The following HFM1 variants were observed in gnomAD, a reference collection of about 807,000 sequenced individuals.
HFM1 encodes helicase for meiosis 1.
A neutral mutation model predicts 192.1 loss-of-function variants in HFM1; 169 were observed. The observed-to-expected ratio is 0.88, with a 90% CI of 0.78 to 1.00. The LOEUF is 1.00. Among genes scored for constraint, HFM1 ranks in the 50% least tolerant of loss-of-function variants. The pLI is 0.00. For synonymous variants in HFM1, 525 were observed against 537.8 expected (o/e 0.98, Z 0.33); for missense variants, 1,661 against 1,668.0 (o/e 1.00, Z 0.07).
intron 30 of HFM1, among the ~76,000 whole-genome samples, chr1:91,308,952 C>T (rs1024859265): frequency 6.6e-6 from 1 of 152,002 alleles, no homozygotes; most frequent in Admixed American, 6.6e-5. Context: ...CCACAAATCT[C>T]TGATGCCCTA....
Position 91,378,005 on chromosome 1 carries a change from C to T in HFM1, c.1395+20G>A, listed in dbSNP as rs1281084245. 1 of 1,602,660 alleles carries T rather than the reference C, an allele frequency of 6.2e-7. No homozygotes were observed. Among genetic ancestry groups the T allele is most frequent in the Non-Finnish European group, 8.5e-7 (1 of 1,172,636 alleles). The stretch of plus-strand genomic sequence containing the variant: ...ACAAGTCATAAAAAACCTAAGAGCT[C>T]AGTTAAAATTGTAACTCACATCCTC... On this transcript the variant is annotated intron_variant, in intron 11 of 38. Coordinates refer to ENST00000370425, the MANE Select transcript of HFM1 (RefSeq NM_001017975.6).
chr1:91,324,806 G>T, intron 20 of HFM1, 40 bp from the exon 21 acceptor site: 1 of 1,047,322 alleles, frequency 9.5e-7, no homozygotes, highest in Non-Finnish European at 1.5e-6. Context: ...CCCCTCATCA[G>T]CTGAACCAAC....
chr1:91,323,633 AG>A (rs1652458802), intron 21 of HFM1, among the ~76,000 whole-genome samples: 1 of 152,176 alleles, frequency 6.6e-6, no homozygotes, highest in Non-Finnish European at 1.5e-5. Context: ...AGAATGTTTT[AG>A]ATATTAGGAA....
At chr1:91,297,046 A>G (rs1355296495) in intron 30 of HFM1, among the ~76,000 whole-genome samples, 1 of 152,204 alleles carries the variant, frequency 6.6e-6, no homozygotes, top group African/African-American at 2.4e-5. Context: ...TCCTAGTCAA[A>G]GAAAGGGGTG....
chr1:91,401,183 T>C, intron 1 of HFM1, 74 bp from the exon 2 acceptor site: 1 of 681,090 alleles, frequency 1.5e-6, no homozygotes, highest in Non-Finnish European at 2.5e-6. Flanking sequence ...TAATCACTAA[T>C]TTTCCACAGT....
chr1:91,399,310 C>T (rs570791907), intron 2 of HFM1, among the ~76,000 whole-genome samples: 1 of 152,104 alleles, frequency 6.6e-6, no homozygotes, highest in Non-Finnish European at 1.5e-5. Context: ...TAGAGAGAAA[C>T]AGATAAGCAA....
chr1:91,266,220 G>T, intron 35 of HFM1, 113 bp from the exon 36 acceptor site: 1 of 769,608 alleles, frequency 1.3e-6, no homozygotes. Flanking sequence ...AGGAAGGAAT[G>T]AATAATTCTC....
chr1:91,287,242 T>C (rs1384043355), intron 30 of HFM1, among the ~76,000 whole-genome samples: 3 of 152,214 alleles, frequency 2.0e-5, no homozygotes. Context: ...CAGTAACCTC[T>C]GCAGACTTAA....
intron 20 of HFM1, chr1:91,328,791 A>G: frequency 6.2e-7 from 1 of 1,611,202 alleles, no homozygotes; most frequent in Non-Finnish European, 8.5e-7. Context: ...ACTAAGCAGC[A>G]CAACGATAAG....
At chr1:91,359,503 C>A (rs1658217489) in intron 13 of HFM1, among the ~76,000 whole-genome samples, 1 of 148,710 alleles carries the variant, frequency 6.7e-6, no homozygotes, top group African/African-American at 2.5e-5. Flanking sequence ...AGGAAAGAAT[C>A]TCTGAGCTAG....
chr1:91,292,571 GA>G (rs974549068), intron 30 of HFM1, among the ~76,000 whole-genome samples: 1 of 151,824 alleles, frequency 6.6e-6, no homozygotes, highest in African/African-American at 2.4e-5. Flanking sequence ...ACAAATGGAA[GA>G]ACATTCCATG....
intron 2 of HFM1, among the ~76,000 whole-genome samples, chr1:91,398,378 C>T (rs1663922159): frequency 6.6e-6 from 1 of 152,098 alleles, no homozygotes; most frequent in African/African-American, 2.4e-5. Flanking sequence ...CCTTGTAATG[C>T]TTCTTAAATT....
At chr1:91,389,132 G>GTTT (rs34874992) in intron 4 of HFM1, among the ~76,000 whole-genome samples, 8 of 82,518 alleles carry the variant, frequency 9.7e-5, no homozygotes, top group Admixed American at 5.9e-4. Flanking sequence ...TTTTTGTTGG[G>GTTT]TTTTTTTTTT....
chr1:91,307,494 C>G (rs1649802206), intron 30 of HFM1, among the ~76,000 whole-genome samples: 2 of 152,022 alleles, frequency 1.3e-5, no homozygotes, highest in Admixed American at 1.3e-4. Flanking sequence ...GCTCTGTTAC[C>G]CAGGCTGGAG....
At chr1:91,274,666 G>A in intron 33 of HFM1, 64 bp downstream of exon 33, 8 of 791,500 alleles carry the variant, frequency 1.0e-5, no homozygotes, top group Non-Finnish European at 1.3e-5. Flanking sequence ...TGAATAAGTG[G>A]TTACCTGCAG....
At chr1:91,347,532 A>T (rs1002686361) in intron 18 of HFM1, 56 bp from the exon 19 acceptor site, 134 of 1,155,554 alleles carry the variant, frequency 1.2e-4, no homozygotes, top group Admixed American at 6.4e-5. Context: ...GGCTCAGTTT[A>T]TACCCCAGTT....
In HFM1 at chr1:91,352,544, C is replaced by T. The variant is rs1439742058; in HGVS notation, c.1939G>A (p.Asp647Asn). 1 of 1,608,092 alleles carries T rather than the reference C, an allele frequency of 6.2e-7. No homozygotes were observed. The highest frequency in any genetic ancestry group is 1.1e-5 in the South Asian group (1 of 89,788). ...GCTCTACCAATCATCTGTAGAATAT[C>T]TGTTTCACTGTACTCTTCAAACAGT... ...GGLFEEYSET[D>N]ILQMIGRAGR... Residue 647 changes from aspartate (D) to asparagine (N), a missense_variant, in exon 16 of 39, where the codon GAT (aspartate) becomes AAT (asparagine). Physicochemically the swap from Asp to Asn is conservative, Grantham distance 23. Transcript: ENST00000370425.
chr1:91,390,106 A>G lies in HFM1; in HGVS notation c.494+3987T>C, dbSNP rs117288866. On this transcript the variant is annotated intron_variant, in intron 4 of 38. Coordinates refer to ENST00000370425, the MANE Select transcript of HFM1 (RefSeq NM_001017975.6). ...CTGATAAGTAAATAAACAAAATGTG[A>G]TATATCCATTTAATGGATTATTATT... Among the ~76,000 whole-genome samples the G allele has an allele frequency of 2.1e-3, 322 of 152,366 alleles. 8 individuals are homozygous for G. In the East Asian group the frequency reaches 0.054, roughly 26 times the overall value.
intron 4 of HFM1, among the ~76,000 whole-genome samples, chr1:91,386,767 T>C (rs1471000556): frequency 2.0e-5 from 3 of 152,156 alleles, no homozygotes; most frequent in African/African-American, 4.8e-5. Flanking sequence ...ATTCAATTTA[T>C]AGGAATAAGT....
Sources: gnomAD v4.1 joint callset for allele counts (sites outside exome capture counted in the v4.1 genomes callset) on GRCh38, gnomAD v4.1.1 for gene constraint, MANE v1.5 for transcripts, NCBI Gene and HGNC (gene_info 2026-07-23, HGNC 2026-07-21) for gene names.